Variants in TBC1D9 observed in about 807,000 individuals in gnomAD.
TBC1D9 encodes the protein TBC1 domain family member 9A.
In TBC1D9, 63 loss-of-function variants were observed where a neutral mutation model predicts 132.0. The observed-to-expected ratio is 0.48, with a 90% CI of 0.39 to 0.59. The LOEUF (loss-of-function observed/expected upper bound fraction) is 0.59, where lower values mean the gene tolerates loss of function less well. Among genes scored for constraint, TBC1D9 ranks in the 20% least tolerant of loss-of-function variants. The pLI, the probability that TBC1D9 is intolerant of heterozygous loss-of-function variation, is 0.00. For synonymous variants in TBC1D9, 610 were observed against 609.9 expected, an observed-to-expected ratio of 1.00 and a Z score of 0.00; for missense variants, 1,261 against 1,592.7, an observed-to-expected ratio of 0.79 and a Z score of 3.54.
At chr4:140,679,249 C>T (rs375014987) in intron 4 of TBC1D9, 46 bp from the exon 5 acceptor site, 90 of 1,578,660 alleles carry the variant, frequency 5.7e-5, no homozygotes, top group African/African-American at 4.3e-4. Flanking sequence ...TTCCTGAAAA[C>T]GCTTTCAAGA....
rs373111900 is a variant in TBC1D9 at position 140,645,096 on chromosome 4, T to C, written c.2338-5668A>G. On this transcript the variant is annotated intron_variant, in intron 13 of 20. Transcript: ENST00000442267. The stretch of plus-strand genomic sequence containing the variant: ...CACTGGGCCCCAGGTCACCAGGAGG[T>C]TGGGGTTCAGGCCTTTAGGAGCACA... The C allele has an allele frequency of 1.9e-5, 10 of 539,720 alleles. No individual in the cohort carries two copies. In the East Asian group the frequency reaches 5.4e-4, roughly 29 times the overall value. 33.4% of individuals were successfully genotyped at this position (539,720 alleles called of 1,614,324 possible).
chr4:140,688,866 TA>T (rs1368182724), intron 2 of TBC1D9, among the ~76,000 whole-genome samples: 1 of 152,214 alleles, frequency 6.6e-6, no homozygotes, highest in Non-Finnish European at 1.5e-5. Flanking sequence ...ATTTTAAACT[TA>T]AAAATTTTAA....
chr4:140,650,742 C>T (rs929088993), intron 13 of TBC1D9, among the ~76,000 whole-genome samples: 1 of 151,908 alleles, frequency 6.6e-6, no homozygotes, highest in Non-Finnish European at 1.5e-5. Flanking sequence ...GCCACGTTGG[C>T]CAGGTTGGCT....
intron 6 of TBC1D9, among the ~76,000 whole-genome samples, chr4:140,676,095 A>T (rs935231593): frequency 1.3e-5 from 2 of 152,194 alleles, no homozygotes; most frequent in African/African-American, 4.8e-5. Context: ...GACAACCCCT[A>T]TGCCCCACAG....
At chr4:140,639,929 C>T (rs1262248145) in intron 13 of TBC1D9, among the ~76,000 whole-genome samples, 2 of 152,184 alleles carry the variant, frequency 1.3e-5, no homozygotes, top group Admixed American at 6.5e-5. Context: ...CAAGCTCCTT[C>T]GTACCCCCTA....
chr4:140,710,734 T>TG (rs962701476), intron 1 of TBC1D9, among the ~76,000 whole-genome samples: 7 of 151,808 alleles, frequency 4.6e-5, no homozygotes, highest in East Asian at 1.9e-4. Flanking sequence ...TTCTCCTGGG[T>TG]GGGGGGGTGG....
chr4:140,632,645 A>G (rs1736816289), intron 16 of TBC1D9, among the ~76,000 whole-genome samples: 1 of 152,134 alleles, frequency 6.6e-6, no homozygotes, highest in South Asian at 2.1e-4. Flanking sequence ...CTGAGCTTCT[A>G]TTTCTTTAGC....
At chr4:140,624,872 T>C (rs1009589379) in intron 18 of TBC1D9, among the ~76,000 whole-genome samples, 8 of 152,172 alleles carry the variant, frequency 5.3e-5, no homozygotes, top group Admixed American at 2.0e-4. Flanking sequence ...GTCAACATGG[T>C]GAAACCCTGT....
chr4:140,725,471 G>C, intron 1 of TBC1D9, among the ~76,000 whole-genome samples: 1 of 152,170 alleles, frequency 6.6e-6, no homozygotes, highest in East Asian at 1.9e-4. Flanking sequence ...GCTGTACAGG[G>C]GATGGGGGCC....
At chr4:140,658,647 T>A (rs1462604160) in intron 11 of TBC1D9, among the ~76,000 whole-genome samples, 2 of 152,026 alleles carry the variant, frequency 1.3e-5, no homozygotes, top group Non-Finnish European at 2.9e-5. Context: ...CTATCTCTAC[T>A]GAAAATACAA....
chr4:140,733,877 G>A (rs1020606380), intron 1 of TBC1D9, among the ~76,000 whole-genome samples: 1 of 151,708 alleles, frequency 6.6e-6, no homozygotes, highest in African/African-American at 2.4e-5. Context: ...AATAGTTATT[G>A]TAAACAACAT....
At chr4:140,649,276 T>C (rs139310604) in intron 13 of TBC1D9, among the ~76,000 whole-genome samples, 1 of 152,378 alleles carries the variant, frequency 6.6e-6, no homozygotes, top group East Asian at 1.9e-4. Context: ...TTGGTTCTAA[T>C]ATGCAAAGTC....
In TBC1D9 at chr4:140,679,651, G is replaced by C. The variant is rs773952128; in HGVS notation, c.553C>G (p.His185Asp). 1.9e-6 allele frequency: 3 copies of C among 1,613,714 alleles called. No homozygotes were observed. Among genetic ancestry groups the C allele is most frequent in the Admixed American group, 3.3e-5 (2 of 59,974 alleles). ...ATAAGAAAAGAATAAAAGCAAAGGT[G>C]GTTAATGCTGAGGTACATCCAACCC... ...RQGWMYLSIN[H>D]LCFYSFLMGR... Residue 185 changes from histidine (H) to aspartate (D), a missense_variant, in exon 4 of 21, where the codon CAC (histidine) becomes GAC (aspartate). Physicochemically the swap from His to Asp is moderately conservative, Grantham distance 81. This residue lies in a region of TBC1D9 where 550 missense variants were observed against 699.0 expected (regional missense o/e 0.79). Transcript: ENST00000442267.
At chr4:140,678,393 G>T (rs562629941) in intron 5 of TBC1D9, among the ~76,000 whole-genome samples, 2 of 152,062 alleles carry the variant, frequency 1.3e-5, no homozygotes, top group African/African-American at 4.8e-5. Context: ...AGGCACATGG[G>T]GCATCAACTT....
intron 1 of TBC1D9, among the ~76,000 whole-genome samples, chr4:140,723,495 G>A (rs1034404240): frequency 2.0e-5 from 3 of 152,034 alleles, no homozygotes; most frequent in Non-Finnish European, 4.4e-5. Flanking sequence ...CACCATGCAT[G>A]GCTAATTTTT....
At chr4:140,671,484 A>C (rs576613690) in intron 6 of TBC1D9, among the ~76,000 whole-genome samples, 1 of 152,156 alleles carries the variant, frequency 6.6e-6, no homozygotes, top group East Asian at 1.9e-4. Context: ...AACCCATGAT[A>C]CTGGTTCCTT....
In TBC1D9 at chr4:140,686,324, T is replaced by C. The variant is rs745850482; in HGVS notation, c.360+20A>G. On this transcript the variant is annotated intron_variant, in intron 3 of 20. Transcript: ENST00000442267. ...TTTGAAATTATTTCCAATTAAAATG[T>C]TTTTCTTTTATCCCACTACCTGTAT... 2.3e-6 allele frequency: 3 copies of C among 1,309,674 alleles called. No homozygotes were observed. Among genetic ancestry groups the C allele is most frequent in the East Asian group, 2.3e-5 (1 of 43,326 alleles). The allele number at this position is 1,309,674 out of a possible 1,614,324, so 81.1% of individuals were successfully genotyped here.
chr4:140,657,599 G>T lies in TBC1D9; in HGVS notation c.2135C>A (p.Ala712Asp). The part of the protein sequence containing the change: ...GIKVIFQLAL[A>D]VLDANVDKLL... ...TTTGTCCACATTTGCATCCAGCACA[G>T]CTAGGGCCAACTGGAATATCACTTT... The change falls in exon 12 of 21, where the codon GCT becomes GAT. Residue 712 changes from alanine to aspartate, a missense_variant. By Grantham distance (126) the Ala-to-Asp change is moderately radical. This residue lies in a region of TBC1D9 where 618 missense variants were observed against 724.4 expected (regional missense o/e 0.85). Coordinates refer to ENST00000442267, the MANE Select transcript of TBC1D9 (RefSeq NM_015130.3). 2 of 1,614,000 alleles carry T rather than the reference G, an allele frequency of 1.2e-6. No homozygotes were observed. Among genetic ancestry groups the T allele is most frequent in the Non-Finnish European group, 8.5e-7 (1 of 1,179,886 alleles).
intron 13 of TBC1D9, chr4:140,643,326 T>C: frequency 7.4e-7 from 1 of 1,343,896 alleles, no homozygotes; most frequent in Non-Finnish European, 1.0e-6. Flanking sequence ...GGCAGCTTCC[T>C]GCTTCTCCAA....
Sources: gnomAD v4.1 joint callset for allele counts (sites outside exome capture counted in the v4.1 genomes callset) on GRCh38, gnomAD v4.1.1 for gene constraint, gnomAD v4.1.1 regional missense constraint, MANE v1.5 for transcripts, NCBI Gene and HGNC (gene_info 2026-07-23, HGNC 2026-07-21) for gene names.